The following SPTBN5 variants were observed in gnomAD, a reference collection of about 807,000 sequenced individuals.
SPTBN5 encodes the protein spectrin beta, non-erythrocytic 5.
SPTBN5 carries 513 observed loss-of-function variants against 477.6 expected under a neutral mutation model. That is an observed-to-expected ratio of 1.07 (90% CI 1.00 to 1.16). SPTBN5 has a LOEUF of 1.16. SPTBN5 is among the 50% of genes most tolerant of loss of function. The pLI is 0.00. For missense variants in SPTBN5, 5,062 were observed against 4,731.8 expected, an observed-to-expected ratio of 1.07 and a Z score of -2.05; for synonymous variants, 2,169 against 2,011.7, an observed-to-expected ratio of 1.08 and a Z score of -2.09.
chr15:41,852,079 C>T, intron 62 of SPTBN5, 103 bp downstream of exon 62: 1 of 1,425,310 alleles, frequency 7.0e-7, no homozygotes. Context: ...GGGCTCCCAG[C>T]ACTGGCTCCA....
At chr15:41,866,641 G>T in intron 36 of SPTBN5, 148 bp from the exon 37 acceptor site, 1 of 1,015,596 alleles carries the variant, frequency 9.8e-7, no homozygotes, top group Non-Finnish European at 1.4e-6. Flanking sequence ...TTCCAGCTCC[G>T]GAAGGTTGCT....
chr15:41,857,342 C>T lies in SPTBN5; in HGVS notation c.8517G>A (p.Lys2839=), dbSNP rs2065955686. Residue 2839 remains lysine, a synonymous_variant, in exon 51 of 68, where the codon AAG becomes AAA. Coordinates refer to ENST00000320955, the MANE Select transcript of SPTBN5 (RefSeq NM_016642.4). The part of the protein sequence containing the change: ...QRELEAAVDK[K]ARQAEALLGQ... ...CCAGCAGTGCCTCAGCCTGCCTGGC[C>T]TTCTTGTCCACTGCTGCCTCCAGCT... The T allele has an allele frequency of 6.4e-7, 1 of 1,570,924 alleles. No individual in the cohort carries two copies. Among genetic ancestry groups the T allele is most frequent in the African/African-American group, 1.4e-5 (1 of 73,750 alleles).
chr15:41,886,645 C>T (rs1194422126), intron 6 of SPTBN5, among the ~76,000 whole-genome samples: 1 of 152,166 alleles, frequency 6.6e-6, no homozygotes, highest in Non-Finnish European at 1.5e-5. Context: ...TGAGGCCCTT[C>T]AGGCTGCTGT....
At chr15:41,865,111 T>G (rs1190093695) in intron 39 of SPTBN5, among the ~76,000 whole-genome samples, 1 of 152,204 alleles carries the variant, frequency 6.6e-6, no homozygotes, top group Non-Finnish European at 1.5e-5. Flanking sequence ...AATACATACA[T>G]GTACCGGGGG....
At position 41,876,616 on chromosome 15, in the gene SPTBN5, G is replaced by A. The variant is rs776715178; in HGVS notation, c.3883C>T (p.Gln1295Ter). ...VREQLQSIQA[Q>*]WTRLQGRSEQ... ...CTCCTCCCCTGGAGCCTGGTCCACT[G>A]TGCCTGGATACTCTGCAGCTGCTCT... The change falls in exon 20 of 68, where the codon CAG (glutamine) becomes TAG (stop). Residue 1295 changes from glutamine (Q) to a stop codon, truncating the protein, a stop_gained. Coordinates refer to ENST00000320955, the MANE Select transcript of SPTBN5 (RefSeq NM_016642.4). LOFTEE classifies it high-confidence loss of function. The A allele has an allele frequency of 5.6e-6, 9 of 1,603,866 alleles. No individual in the cohort carries two copies. In the African/African-American group the frequency reaches 1.1e-4, roughly 19 times the overall value.
Position 41,851,147 on chromosome 15 carries a change from C to G in SPTBN5, c.10747G>C (p.Val3583Leu), listed in dbSNP as rs1351820729. ...AGGTCAAGGAGGGCTATGGAAGCTA[C>G]TTTCTGAGGAGAGATGAGAGGCAGG... ...FLDERMAAEK[V>L]ASIALLDLTG... is the part of the protein sequence containing the mutation. Residue 3583 changes from valine (V) to leucine (L), a missense_variant, in exon 65 of 68, where the codon GTA (valine) becomes CTA (leucine). By Grantham distance (32) the Val-to-Leu change is conservative. Coordinates refer to ENST00000320955, the MANE Select transcript of SPTBN5 (RefSeq NM_016642.4). The G allele has an allele frequency of 6.2e-7, 1 of 1,612,910 alleles. No homozygotes were observed. Among genetic ancestry groups the G allele is most frequent in the Admixed American group, 1.7e-5 (1 of 59,950 alleles).
chr15:41,881,307 C>T, intron 12 of SPTBN5, 73 bp from the exon 13 acceptor site: 1 of 1,283,574 alleles, frequency 7.8e-7, no homozygotes, highest in Non-Finnish European at 1.1e-6. Context: ...GCCACCCCTA[C>T]CTCCGTGCCC....
intron 17 of SPTBN5, 81 bp from the exon 18 acceptor site, chr15:41,877,437 C>A: frequency 1.3e-6 from 2 of 1,510,904 alleles, no homozygotes; most frequent in African/African-American, 1.4e-5. Context: ...CCAGGGTTCA[C>A]GCATCTTGGA....
At chr15:41,882,790 C>A in intron 9 of SPTBN5, 52 bp from the exon 10 acceptor site, 1 of 1,574,420 alleles carries the variant, frequency 6.4e-7, no homozygotes, top group South Asian at 1.1e-5. Context: ...GAGGCATGGG[C>A]AGTGGGTTCC....
intron 49 of SPTBN5, among the ~76,000 whole-genome samples, chr15:41,858,229 C>T (rs1177329667): frequency 6.6e-6 from 1 of 152,084 alleles, no homozygotes; most frequent in South Asian, 2.1e-4. Context: ...GCCTGGGAGG[C>T]GGAGGTTGCA....
chr15:41,880,370 G>C, intron 13 of SPTBN5, 58 bp from the exon 14 acceptor site: 1 of 1,516,076 alleles, frequency 6.6e-7, no homozygotes, highest in Non-Finnish European at 8.8e-7. Flanking sequence ...AGGGCTCTCA[G>C]AGCGGGTCAA....
At position 41,862,235 on chromosome 15, in the gene SPTBN5, T is replaced by C. The variant is rs760171256; in HGVS notation, c.7443A>G (p.Glu2481=). Residue 2481 remains glutamate (E), a synonymous_variant, in exon 44 of 68, where the codon GAA becomes GAG. Transcript: ENST00000320955. ...GCAGCCTCTGGGCGCTGACCAGCAA[T>C]TCCTGCAGCATTGCCTGGAGTTTCT... The part of the protein sequence containing the change: ...QAQKLQAMLQ[E]LLVSAQRLRA... The C allele has an allele frequency of 6.2e-7, 1 of 1,611,856 alleles. No homozygotes were observed. Among genetic ancestry groups the C allele is most frequent in the Non-Finnish European group, 8.5e-7 (1 of 1,179,266 alleles).
At chr15:41,872,121 G>A in intron 27 of SPTBN5, among the ~76,000 whole-genome samples, 181 bp downstream of exon 27, 1 of 152,244 alleles carries the variant, frequency 6.6e-6, no homozygotes, top group East Asian at 1.9e-4. Context: ...TGGACTGCAG[G>A]GAGTTGTGGG....
intron 31 of SPTBN5, 39 bp downstream of exon 31, chr15:41,870,204 G>A: frequency 1.3e-6 from 2 of 1,530,664 alleles, no homozygotes; most frequent in Non-Finnish European, 1.8e-6. Flanking sequence ...TGAGGGGGCT[G>A]CAGGGGCCTG....
intron 34 of SPTBN5, 45 bp from the exon 35 acceptor site, chr15:41,867,687 C>A (rs2066374980): frequency 2.6e-6 from 4 of 1,561,992 alleles, no homozygotes; most frequent in Non-Finnish European, 2.6e-6. Context: ...TTCCAGCCAG[C>A]CAGCCCCTCC....
chr15:41,882,596 G>T lies in SPTBN5; in HGVS notation c.2035C>A (p.Gln679Lys). Residue 679 changes from glutamine (Q) to lysine (K), a missense_variant, in exon 10 of 68, where the codon CAG (glutamine) becomes AAG (lysine). Gln to Lys is a moderately conservative substitution (Grantham distance 53, BLOSUM62 1). Transcript: ENST00000320955. ...RDLSQIAGAL[Q>K]KHKALEAEVH... is the part of the protein sequence containing the mutation. ...CGGGGAGCTGACACCTTGTGTTTCT[G>T]CAGGGCGCCTGCGATCTGGCTGAGA... The T allele has an allele frequency of 6.2e-7, 1 of 1,602,078 alleles. No individual in the cohort carries two copies. Among genetic ancestry groups the T allele is most frequent in the Non-Finnish European group, 8.5e-7 (1 of 1,175,688 alleles).
At chr15:41,865,181 C>T (rs1027579569) in intron 39 of SPTBN5, among the ~76,000 whole-genome samples, 1 of 152,114 alleles carries the variant, frequency 6.6e-6, no homozygotes, top group African/African-American at 2.4e-5. Context: ...CATTTTTTTC[C>T]CCTGTATACC....
Position 41,858,976 on chromosome 15 carries a change from C to T in SPTBN5, c.7993G>A (p.Glu2665Lys), listed in dbSNP as rs984902678. 1 of 1,554,570 alleles carries T rather than the reference C, an allele frequency of 6.4e-7. No individual in the cohort carries two copies. The highest frequency in any genetic ancestry group is 8.7e-7 in the Non-Finnish European group (1 of 1,150,366). Residue 2665 changes from glutamate (E) to lysine (K), a missense_variant, in exon 48 of 68, where the codon GAG (glutamate) becomes AAG (lysine). Glu to Lys is a moderately conservative substitution (Grantham distance 56, BLOSUM62 1). Coordinates refer to ENST00000320955, the MANE Select transcript of SPTBN5 (RefSeq NM_016642.4). Reference protein sequence around the residue: ...GRCQAMLLRKEALFRQAGTRR... With the variant: ...GRCQAMLLRKKALFRQAGTRR... ...GTCCCGGCTTGCCTGAAGAGCGCCTCCTTCCTGCCAGGAGGAGAGGCTCAT... is the reference window on the plus strand; with the variant it reads ...GTCCCGGCTTGCCTGAAGAGCGCCTTCTTCCTGCCAGGAGGAGAGGCTCAT...
In SPTBN5 at chr15:41,887,359, C is replaced by G. The variant is rs779293122; in HGVS notation, c.742G>C (p.Glu248Gln). ...TCCAGCAGCTGAGCAATGCCCAGCT[C>G]CTGCTCAGCCACCAGGAAAGCAAAA... is the stretch of plus-strand genomic sequence containing the variant. The part of the protein sequence containing the change: ...LAFAFLVAEQ[E>Q]LGIAQLLDPE... Residue 248 changes from glutamate to glutamine, a missense_variant, in exon 6 of 68, where the codon GAG becomes CAG. Glu to Gln is a conservative substitution (Grantham distance 29). Coordinates refer to ENST00000320955, the MANE Select transcript of SPTBN5 (RefSeq NM_016642.4). 7 of 1,552,720 alleles carry G rather than the reference C, an allele frequency of 4.5e-6. No individual in the cohort carries two copies. Among genetic ancestry groups the G allele is most frequent in the Non-Finnish European group, 6.1e-6 (7 of 1,147,972 alleles).
Sources: gnomAD v4.1 joint callset for allele counts (sites outside exome capture counted in the v4.1 genomes callset) on GRCh38, gnomAD v4.1.1 for gene constraint, MANE v1.5 for transcripts, NCBI Gene and HGNC (gene_info 2026-07-23, HGNC 2026-07-21) for gene names.